The following NRG3 variants were observed in gnomAD, a reference collection of about 807,000 sequenced individuals.
The protein encoded by NRG3 is pro-neuregulin-3, membrane-bound isoform.
In NRG3, 31 loss-of-function variants were observed where a neutral mutation model predicts 66.9. That is an observed-to-expected ratio of 0.46 (90% CI 0.35 to 0.63). The LOEUF is 0.63. Ranked by LOEUF, NRG3 falls within the 20% of genes least tolerant of loss-of-function variation. The probability of loss-of-function intolerance (pLI) is 0.00; values close to 1 mark genes in which losing one functional copy is unlikely to be tolerated. For synonymous variants in NRG3, 393 were observed against 359.4 expected, an observed-to-expected ratio of 1.09 and a Z score of -1.06; for missense variants, 910 against 878.9, an observed-to-expected ratio of 1.04 and a Z score of -0.45.
At chr10:81,942,491 C>T (rs1261598092) in intron 1 of NRG3, among the ~76,000 whole-genome samples, 2 of 152,134 alleles carry the variant, frequency 1.3e-5, no homozygotes, top group Admixed American at 6.6e-5. Flanking sequence ...TGTTATCAGC[C>T]GTTGACTACA....
chr10:82,831,245 G>A (rs1464030706), intron 3 of NRG3, among the ~76,000 whole-genome samples: 3 of 152,128 alleles, frequency 2.0e-5, no homozygotes, highest in Non-Finnish European at 4.4e-5. Flanking sequence ...CAGCAGCCCT[G>A]AGCCAGGGAA....
chr10:82,736,253 A>G (rs2058148325), intron 2 of NRG3, among the ~76,000 whole-genome samples: 2 of 152,240 alleles, frequency 1.3e-5, no homozygotes, highest in Non-Finnish European at 2.9e-5. Context: ...CTAGAAGTGC[A>G]TTGAAAACTT....
chr10:82,294,434 A>AGTGTGTGT (rs35072007), intron 1 of NRG3, among the ~76,000 whole-genome samples: 64 of 149,174 alleles, frequency 4.3e-4, no homozygotes, highest in African/African-American at 1.2e-3. Context: ...CTACTGATGA[A>AGTGTGTGT]GTGTGTGTGT....
chr10:82,500,384 A>ATATACTTG (rs1474778956), intron 2 of NRG3, among the ~76,000 whole-genome samples: 1 of 152,196 alleles, frequency 6.6e-6, no homozygotes, highest in East Asian at 1.9e-4. Context: ...TCCCCATTGC[A>ATATACTTG]TATACTTGGC....
chr10:82,553,296 C>G (rs945912116), intron 2 of NRG3, among the ~76,000 whole-genome samples: 1 of 151,262 alleles, frequency 6.6e-6, no homozygotes, highest in South Asian at 2.1e-4. Flanking sequence ...TAAAGACAAA[C>G]GAATAGGTAG....
chr10:82,882,063 C>G (rs1842347098), intron 4 of NRG3, among the ~76,000 whole-genome samples: 1 of 152,208 alleles, frequency 6.6e-6, no homozygotes, highest in South Asian at 2.1e-4. Flanking sequence ...GAAGCACGTT[C>G]TCTTCTTTTA....
chr10:82,205,218 C>T (rs1301347350), intron 1 of NRG3, among the ~76,000 whole-genome samples: 1 of 152,172 alleles, frequency 6.6e-6, no homozygotes, highest in Non-Finnish European at 1.5e-5. Context: ...ACTTCGTTCC[C>T]ACTACAGATG....
At chr10:82,627,116 A>G (rs2049484384) in intron 2 of NRG3, among the ~76,000 whole-genome samples, 1 of 152,140 alleles carries the variant, frequency 6.6e-6, no homozygotes, top group Admixed American at 6.6e-5. Context: ...AAGATACCAA[A>G]AATAAAAATA....
At chr10:82,439,220 G>C (rs2090308451) in intron 2 of NRG3, among the ~76,000 whole-genome samples, 1 of 151,934 alleles carries the variant, frequency 6.6e-6, no homozygotes, top group Non-Finnish European at 1.5e-5. Flanking sequence ...CTGGGTTTTT[G>C]TAAAATCAAG....
chr10:82,840,365 T>G (rs2062997420), intron 3 of NRG3, among the ~76,000 whole-genome samples: 1 of 152,164 alleles, frequency 6.6e-6, no homozygotes, highest in South Asian at 2.1e-4. Flanking sequence ...TCTCCTACTT[T>G]GTTTCCCATA....
intron 2 of NRG3, among the ~76,000 whole-genome samples, chr10:82,389,235 G>A (rs916897515): frequency 2.6e-5 from 4 of 152,120 alleles, no homozygotes; most frequent in Admixed American, 6.6e-5. Flanking sequence ...AATTCAACTC[G>A]CAAATTTCTG....
rs954780186 is a variant in NRG3, at chr10:82,617,227, CCA to C, written c.954-121338_954-121337del. Among the ~76,000 whole-genome samples the C allele has an allele frequency of 4.4e-3, 655 of 149,402 alleles. 6 individuals are homozygous for C. Among genetic ancestry groups the C allele is most frequent in the African/African-American group, 0.014 (570 of 40,582 alleles). On this transcript the variant is annotated intron_variant, in intron 2 of 8. Transcript: ENST00000372141. ...AACACACATCACACATATACACACA[CCA>C]CACACACACACCACACAGACACACA...
intron 4 of NRG3, among the ~76,000 whole-genome samples, chr10:82,903,653 T>C (rs1844448627): frequency 6.6e-6 from 1 of 152,168 alleles, no homozygotes; most frequent in African/African-American, 2.4e-5. Context: ...CCTTATGACT[T>C]CCTTAAGAAC....
At chr10:82,984,840 AC>A in intron 8 of NRG3, 1 of 1,524,776 alleles carries the variant, frequency 6.6e-7, no homozygotes, top group Non-Finnish European at 8.9e-7. Flanking sequence ...GTGTTGAAAG[AC>A]CCCTGGACTT....
intron 1 of NRG3, among the ~76,000 whole-genome samples, chr10:82,343,707 T>C (rs1013585959): frequency 6.6e-6 from 1 of 152,096 alleles, no homozygotes; most frequent in African/African-American, 2.4e-5. Flanking sequence ...ACTAATTGTA[T>C]TGACTGTTAA....
intron 1 of NRG3, among the ~76,000 whole-genome samples, chr10:81,967,263 T>C (rs992181624): frequency 8.6e-5 from 13 of 151,878 alleles, no homozygotes; most frequent in Non-Finnish European, 1.8e-4. Context: ...ATAATATTTA[T>C]TTAATCCAAG....
At chr10:82,263,244 G>A (rs573727810) in intron 1 of NRG3, among the ~76,000 whole-genome samples, 5 of 152,140 alleles carry the variant, frequency 3.3e-5, no homozygotes, top group Admixed American at 2.6e-4. Flanking sequence ...AAAGAAAAAC[G>A]GATACAAGAT....
rs1403882947 is a variant in NRG3 at position 82,897,425 on chromosome 10, C to T, written c.1054+31988C>T. 2.6e-5 allele frequency among the ~76,000 whole-genome samples: 4 copies of T among 152,176 alleles called. No individual in the cohort carries two copies. In the East Asian group the frequency reaches 7.7e-4, roughly 29 times the overall value. On this transcript the variant is annotated intron_variant, in intron 4 of 8. Coordinates refer to ENST00000372141, the MANE Select transcript of NRG3 (RefSeq NM_001010848.4). ...TGCAAAAGATCCATCTTGAATATAA[C>T]CTGCCCAGTCCCTGAAACAAACCCA...
chr10:82,647,070 T>C (rs566741505), intron 2 of NRG3, among the ~76,000 whole-genome samples: 1 of 151,938 alleles, frequency 6.6e-6, no homozygotes, highest in Non-Finnish European at 1.5e-5. Flanking sequence ...TAGTTACATA[T>C]GTATACATGT....
Sources: allele counts gnomAD v4.1 joint callset (sites outside exome capture counted in the v4.1 genomes callset), GRCh38; gene constraint gnomAD v4.1.1; transcripts MANE v1.5; gene names NCBI Gene and HGNC (gene_info 2026-07-23, HGNC 2026-07-21).